ARL8B: variants seen among roughly 807,000 people sequenced by gnomAD.
The protein encoded by ARL8B is ADP-ribosylation factor-like protein 8B.
ARL8B carries 9 observed loss-of-function variants against 30.6 expected under a neutral mutation model. The observed-to-expected ratio is 0.29, with a 90% CI of 0.18 to 0.51. The LOEUF is 0.51. Ranked by LOEUF, ARL8B falls within the 20% of genes least tolerant of loss-of-function variation. ARL8B has a pLI of 0.97. For missense variants in ARL8B, 130 were observed against 227.2 expected, an observed-to-expected ratio of 0.57 and a Z score of 2.75; for synonymous variants, 74 against 76.0, an observed-to-expected ratio of 0.97 and a Z score of 0.14.
intron 1 of ARL8B, among the ~76,000 whole-genome samples, chr3:5,158,686 A>G (rs2054552777): frequency 1.3e-5 from 2 of 152,190 alleles, no homozygotes; most frequent in Non-Finnish European, 2.9e-5. Context: ...GAAAAAATGA[A>G]CAGGGTCTCT....
intron 1 of ARL8B, among the ~76,000 whole-genome samples, chr3:5,136,289 T>C (rs1421107893): frequency 6.6e-6 from 1 of 152,246 alleles, no homozygotes; most frequent in Non-Finnish European, 1.5e-5. Context: ...AGACATTTAC[T>C]GATTTATGTA....
At chr3:5,142,539 A>G (rs1052961506) in intron 1 of ARL8B, among the ~76,000 whole-genome samples, 1 of 152,140 alleles carries the variant, frequency 6.6e-6, no homozygotes, top group Non-Finnish European at 1.5e-5. Flanking sequence ...TAGCACACGC[A>G]TAGCAGTCAC....
At chr3:5,157,536 C>T (rs1486192453) in intron 1 of ARL8B, among the ~76,000 whole-genome samples, 2 of 152,162 alleles carry the variant, frequency 1.3e-5, no homozygotes, top group Admixed American at 6.5e-5. Flanking sequence ...TACCACTCTA[C>T]TCCCTCCCCT....
At chr3:5,131,361 T>C (rs1430694737) in intron 1 of ARL8B, among the ~76,000 whole-genome samples, 1 of 151,604 alleles carries the variant, frequency 6.6e-6, no homozygotes, top group East Asian at 1.9e-4. Flanking sequence ...TTTCTAGCTT[T>C]TGGCAATCTT....
intron 1 of ARL8B, among the ~76,000 whole-genome samples, chr3:5,130,556 TGGAA>T (rs2054273900): frequency 6.6e-6 from 1 of 151,170 alleles, no homozygotes; most frequent in Non-Finnish European, 1.5e-5. Context: ...GGCGGGGGGA[TGGAA>T]TCTTGCTTTG....
At chr3:5,129,331 C>T (rs1027471848) in intron 1 of ARL8B, among the ~76,000 whole-genome samples, 7 of 152,200 alleles carry the variant, frequency 4.6e-5, no homozygotes, top group East Asian at 1.9e-4. Flanking sequence ...TTTGCCACCT[C>T]GCCCAGCTAA....
chr3:5,128,399 C>T (rs767061770), intron 1 of ARL8B: 1 of 449,186 alleles, frequency 2.2e-6, no homozygotes, highest in Non-Finnish European at 4.5e-6. Context: ...AGGAACATCT[C>T]TACCTTCCAT....
At chr3:5,161,079 C>T (rs2054575681) in intron 1 of ARL8B, among the ~76,000 whole-genome samples, 1 of 152,328 alleles carries the variant, frequency 6.6e-6, no homozygotes, top group East Asian at 1.9e-4. Flanking sequence ...CCCATCACAC[C>T]TGGCAAATGT....
At chr3:5,178,229 CT>C (rs1247149908) in intron 6 of ARL8B, among the ~76,000 whole-genome samples, 1 of 151,712 alleles carries the variant, frequency 6.6e-6, no homozygotes, top group East Asian at 1.9e-4. Context: ...TTTTAACATT[CT>C]TTTGCTGTTT....
chr3:5,179,551 C>G lies in ARL8B; in HGVS notation c.*838C>G, dbSNP rs1428924919. 1 of 152,550 alleles carries G rather than the reference C, an allele frequency of 6.6e-6. No individual in the cohort carries two copies. Among genetic ancestry groups the G allele is most frequent in the Admixed American group, 6.5e-5 (1 of 15,272 alleles). 9.4% of individuals were successfully genotyped at this position (152,550 alleles called of 1,614,324 possible). On this transcript the variant is annotated 3_prime_UTR_variant, in exon 7 of 7. Coordinates refer to ENST00000256496, the MANE Select transcript of ARL8B (RefSeq NM_018184.3). ...GTTCATGAATTTAGAGCATTCCACCCAATATAATAAAACCTGTTAAGAATG... is the reference window on the plus strand; with the variant it reads ...GTTCATGAATTTAGAGCATTCCACCGAATATAATAAAACCTGTTAAGAATG...
intron 6 of ARL8B, among the ~76,000 whole-genome samples, chr3:5,175,635 T>G (rs551504271): frequency 6.6e-6 from 1 of 152,342 alleles, no homozygotes; most frequent in South Asian, 2.1e-4. Flanking sequence ...CAGCAGAAAC[T>G]TAAGTCATTC....
chr3:5,178,178 A>G (rs1047203407), intron 6 of ARL8B, among the ~76,000 whole-genome samples: 11 of 152,000 alleles, frequency 7.2e-5, no homozygotes, highest in Non-Finnish European at 1.2e-4. Flanking sequence ...GTCACATTGT[A>G]TCACTCACAA....
chr3:5,178,588 T>A, intron 6 of ARL8B, 76 bp from the exon 7 acceptor site: 1 of 1,439,716 alleles, frequency 6.9e-7, no homozygotes, highest in Non-Finnish European at 9.5e-7. Flanking sequence ...TTGAATTAGC[T>A]GCCTTTTAAA....
At chr3:5,142,301 C>A (rs747892026) in intron 1 of ARL8B, among the ~76,000 whole-genome samples, 1 of 152,068 alleles carries the variant, frequency 6.6e-6, no homozygotes, top group Non-Finnish European at 1.5e-5. Flanking sequence ...TGAACTCTGC[C>A]CCCTATCTAG....
chr3:5,124,732 C>G (rs1001635112), intron 1 of ARL8B, among the ~76,000 whole-genome samples: 10 of 152,150 alleles, frequency 6.6e-5, no homozygotes, highest in Admixed American at 6.5e-4. Context: ...CCTGCCTTGG[C>G]CTCCCAGCAT....
At chr3:5,171,506 C>G (rs2054675615) in intron 2 of ARL8B, among the ~76,000 whole-genome samples, 1 of 152,054 alleles carries the variant, frequency 6.6e-6, no homozygotes, top group South Asian at 2.1e-4. Context: ...GCCACCACAC[C>G]TGGCTAATTT....
chr3:5,125,333 G>A (rs1265745203), intron 1 of ARL8B, among the ~76,000 whole-genome samples: 1 of 152,034 alleles, frequency 6.6e-6, no homozygotes, highest in Non-Finnish European at 1.5e-5. Context: ...TACTGAGAAG[G>A]GACTCAACTG....
rs2054572728 is a variant in ARL8B at position 5,160,637 on chromosome 3, A to C, written c.124-9866A>C. On this transcript the variant is annotated intron_variant, in intron 1 of 6. Transcript: ENST00000256496. ...GTTAGAATTTTAGAATTGGAACGACAGCATGTAATTAGTTGGAGAGTTCCT... is the reference window on the plus strand; with the variant it reads ...GTTAGAATTTTAGAATTGGAACGACCGCATGTAATTAGTTGGAGAGTTCCT... Among the ~76,000 whole-genome samples the C allele has an allele frequency of 2.0e-5, 3 of 152,358 alleles. No homozygotes were observed. In the South Asian group the frequency reaches 6.2e-4, roughly 32 times the overall value.
chr3:5,127,539 A>T (rs1333047162), intron 1 of ARL8B, among the ~76,000 whole-genome samples: 1 of 152,170 alleles, frequency 6.6e-6, no homozygotes, highest in African/African-American at 2.4e-5. Flanking sequence ...ATGAACATGA[A>T]TTAGGAGAAG....
Sources: gnomAD v4.1 joint callset for allele counts (sites outside exome capture counted in the v4.1 genomes callset) on GRCh38, gnomAD v4.1.1 for gene constraint, MANE v1.5 for transcripts, NCBI Gene and HGNC (gene_info 2026-07-23, HGNC 2026-07-21) for gene names.